ZNF451: variants seen among roughly 807,000 people sequenced by gnomAD.
ZNF451 encodes the protein zinc finger protein 451.
ZNF451 carries 80 observed loss-of-function variants against 107.1 expected under a neutral mutation model. The ratio of observed to expected loss-of-function variants is 0.75; its 90% CI spans 0.62 to 0.90. ZNF451 has a LOEUF of 0.90. Among genes scored for constraint, ZNF451 ranks in the 40% least tolerant of loss-of-function variants. The probability of loss-of-function intolerance (pLI) is 0.00; values close to 1 mark genes in which losing one functional copy is unlikely to be tolerated. For missense variants in ZNF451, 1,107 were observed against 1,236.2 expected (o/e 0.90, Z 1.57); for synonymous variants, 362 against 406.5 (o/e 0.89, Z 1.32).
At chr6:57,116,643 C>T (rs1047868058) in intron 3 of ZNF451, 2 of 152,106 alleles carry the variant, frequency 1.3e-5, no homozygotes, top group African/African-American at 4.8e-5. Flanking sequence ...TTAATATACC[C>T]GTTTTCTCAG....
At chr6:57,108,156 TA>T (rs1375503596) in intron 3 of ZNF451, 47 of 985,294 alleles carry the variant, frequency 4.8e-5, no homozygotes, top group South Asian at 3.3e-4. Context: ...GGTGATATTT[TA>T]AAAAATTCTA....
intron 3 of ZNF451, chr6:57,115,625 T>G (rs982519394): frequency 6.6e-6 from 1 of 152,234 alleles, no homozygotes; most frequent in Non-Finnish European, 1.5e-5. Flanking sequence ...TCATAGTGAC[T>G]GAACCAGAAT....
Position 57,128,776 on chromosome 6 carries a change from T to C in ZNF451, c.360T>C (p.Phe120=), listed in dbSNP as rs1831046789. 2.5e-6 allele frequency: 4 copies of C among 1,612,950 alleles called. No individual in the cohort carries two copies. Among genetic ancestry groups the C allele is most frequent in the Admixed American group, 3.3e-5 (2 of 59,884 alleles). Residue 120 remains phenylalanine, a synonymous_variant, in exon 5 of 15, where the codon TTT becomes TTC. Transcript: ENST00000370706. Reference sequence around the variant, plus strand: ...CTCATGGGTTACAAGAATTGGAATTTATTCGAGGACATTCTGATACAGAAG... The same window carrying C: ...CTCATGGGTTACAAGAATTGGAATTCATTCGAGGACATTCTGATACAGAAG... ...QHAHGLQELE[F]IRGHSDTEAA...
chr6:57,134,741 T>G lies in ZNF451; in HGVS notation c.576-3T>G, dbSNP rs1831350931. The G allele has an allele frequency of 6.2e-7, 1 of 1,611,000 alleles. No homozygotes were observed. The highest frequency in any genetic ancestry group is 8.5e-7 in the Non-Finnish European group (1 of 1,179,000). Reference sequence around the variant, plus strand: ...ATTACCTCTTACCTCTTTTGCTGAGTAGGTTCGATCACTCTCCATGTGATC... The same window carrying G: ...ATTACCTCTTACCTCTTTTGCTGAGGAGGTTCGATCACTCTCCATGTGATC... On this transcript the variant is annotated splice_polypyrimidine_tract_variant and splice_region_variant and intron_variant, in intron 6 of 14. Coordinates refer to ENST00000370706, the MANE Select transcript of ZNF451 (RefSeq NM_001031623.3).
intron 3 of ZNF451, chr6:57,108,692 A>G (rs1320137686): frequency 2.0e-6 from 2 of 985,282 alleles, no homozygotes; most frequent in African/African-American, 3.5e-5. Context: ...ATATTCTGAC[A>G]GGTCTTGGAA....
intron 13 of ZNF451, chr6:57,154,363 T>A: frequency 2.3e-6 from 1 of 443,166 alleles, no homozygotes; most frequent in Non-Finnish European, 3.9e-6. Flanking sequence ...ATTCAGATCT[T>A]CACTTTGTTT....
chr6:57,105,260 T>TA lies in ZNF451; in HGVS notation c.186+6119_186+6120insA, dbSNP rs1829796532. 3 of 985,206 alleles carry TA rather than the reference T, an allele frequency of 3.0e-6. No homozygotes were observed. The African/African-American group carries it at 5.2e-5, about 17-fold the overall frequency. 61.0% of individuals were successfully genotyped at this position (985,206 alleles called of 1,614,324 possible). A position where few individuals can be genotyped will look rare whatever the true frequency, so the allele number is the denominator to read the frequency against. On this transcript the variant is annotated intron_variant, in intron 3 of 14. Transcript: ENST00000370706. ...AATGATCTGGTATTCTCAAAAAGGATGTATCTAATGATCTTGATTCTTCAA... is the reference window on the plus strand; with the variant it reads ...AATGATCTGGTATTCTCAAAAAGGATAGTATCTAATGATCTTGATTCTTCAA...
At chr6:57,152,024 A>G (rs929088616) in intron 11 of ZNF451, 197 bp from the exon 12 acceptor site, 1 of 485,318 alleles carries the variant, frequency 2.1e-6, no homozygotes, top group Non-Finnish European at 3.6e-6. Flanking sequence ...TGACAGATTC[A>G]GGGAAGTTGG....
intron 14 of ZNF451, chr6:57,165,447 T>G (rs1033904088): frequency 3.3e-5 from 5 of 152,146 alleles, no homozygotes; most frequent in African/African-American, 1.2e-4. Flanking sequence ...GATGATTGAT[T>G]GATTGATTGA....
Position 57,090,223 on chromosome 6 carries a change from C to T in ZNF451, c.-31C>T, listed in dbSNP as rs1450166746. On this transcript the variant is annotated 5_prime_UTR_variant, in exon 1 of 15. Transcript: ENST00000370706. ...ACGGCGGCGGCAGGGACAGCAGGAG[C>T]AGTGGTGCTGTCAGCGCGGCCGTCG... 2.5e-6 allele frequency: 4 copies of T among 1,606,758 alleles called. No homozygotes were observed. The highest frequency in any genetic ancestry group is 3.4e-6 in the Non-Finnish European group (4 of 1,177,354).
chr6:57,148,809 T>A (rs1832214367), intron 10 of ZNF451, 116 bp downstream of exon 10: 1 of 935,058 alleles, frequency 1.1e-6, no homozygotes, highest in Admixed American at 2.8e-5. Context: ...GTATGTTAAT[T>A]ATTATGGTAT....
At chr6:57,144,953 G>T (rs12192711) in intron 9 of ZNF451, among the ~76,000 whole-genome samples, 44,235 of 151,820 alleles carry the variant, frequency 0.29, 7,366 homozygotes, top group African/African-American at 0.45. Flanking sequence ...AGATATGTGT[G>T]GCTTAACTTC....
intron 3 of ZNF451, chr6:57,103,086 A>G (rs1321756666): frequency 2.0e-6 from 2 of 985,336 alleles, no homozygotes; most frequent in Non-Finnish European, 2.4e-6. Context: ...AGATACGCAC[A>G]TCAGTGCCCT....
chr6:57,124,769 G>A lies in ZNF451; in HGVS notation c.222G>A (p.Gln74=). 6.3e-7 allele frequency: 1 copy of A among 1,599,242 alleles called. No individual in the cohort carries two copies. Among genetic ancestry groups the A allele is most frequent in the Non-Finnish European group, 8.6e-7 (1 of 1,167,188 alleles). Residue 74 remains glutamine, a synonymous_variant, in exon 4 of 15, where the codon CAG becomes CAA. Coordinates refer to ENST00000370706, the MANE Select transcript of ZNF451 (RefSeq NM_001031623.3). ...AACGTAAAGACCATATTGATTATCA[G>A]AAGGATAAAGTTGCTTTAACTCTGG... ...NIKRKDHIDY[Q]KDKVALTLAR...
In ZNF451 at chr6:57,091,727, C is replaced by G. The variant is rs184179413; in HGVS notation, c.105+833C>G. Among the ~76,000 whole-genome samples, 47 of 152,320 alleles carry G rather than the reference C, an allele frequency of 3.1e-4. 1 individual carries two copies. Among genetic ancestry groups the G allele is most frequent in the African/African-American group, 1.1e-3 (47 of 41,580 alleles). Reference sequence around the variant, plus strand: ...GAAAACGGTTCTGTCCCCAACTCGTCTTTTGGAATGCCGTAGTTAGTTGCA... The same window carrying G: ...GAAAACGGTTCTGTCCCCAACTCGTGTTTTGGAATGCCGTAGTTAGTTGCA... On this transcript the variant is annotated intron_variant, in intron 2 of 14. Coordinates refer to ENST00000370706, the MANE Select transcript of ZNF451 (RefSeq NM_001031623.3).
chr6:57,121,503 A>AACATGAAAT (rs1448324729), intron 3 of ZNF451, among the ~76,000 whole-genome samples: 1 of 152,182 alleles, frequency 6.6e-6, no homozygotes, highest in African/African-American at 2.4e-5. Context: ...TCTATCTGTG[A>AACATGAAAT]ACATGAAATA....
chr6:57,121,929 A>G (rs1246705732), intron 3 of ZNF451, among the ~76,000 whole-genome samples: 2 of 152,348 alleles, frequency 1.3e-5, no homozygotes, highest in Non-Finnish European at 1.5e-5. Context: ...GGCATTCTTA[A>G]GCAAAAAGAA....
intron 13 of ZNF451, among the ~76,000 whole-genome samples, chr6:57,156,732 G>GTT (rs755392673): frequency 6.6e-6 from 1 of 152,186 alleles, no homozygotes; most frequent in African/African-American, 2.4e-5. Context: ...TGTAACCTAA[G>GTT]TTTATACTAT....
At chr6:57,096,044 G>A (rs905963240) in intron 2 of ZNF451, among the ~76,000 whole-genome samples, 8 of 151,488 alleles carry the variant, frequency 5.3e-5, no homozygotes, top group Non-Finnish European at 1.2e-4. Flanking sequence ...AGATGGTCTC[G>A]AACTCATGGC....
Sources: gnomAD v4.1 joint callset for allele counts (sites outside exome capture counted in the v4.1 genomes callset) on GRCh38, gnomAD v4.1.1 for gene constraint, MANE v1.5 for transcripts, NCBI Gene and HGNC (gene_info 2026-07-23, HGNC 2026-07-21) for gene names.